ITIH2: variants seen among roughly 807,000 people sequenced by gnomAD.
The protein encoded by ITIH2 is inter-alpha-trypsin inhibitor heavy chain 2, also known as inter-alpha-trypsin inhibitor heavy chain H2.
In ITIH2, 103 loss-of-function variants were observed where a neutral mutation model predicts 104.4. That is an observed-to-expected ratio of 0.99 (90% CI 0.84 to 1.16). ITIH2 has a LOEUF of 1.16. ITIH2 is among the 50% of genes most tolerant of loss of function. The pLI is 0.00. For synonymous variants in ITIH2, 436 were observed against 435.4 expected, an observed-to-expected ratio of 1.00 and a Z score of -0.02; for missense variants, 1,108 against 1,162.4, an observed-to-expected ratio of 0.95 and a Z score of 0.68.
chr10:7,723,310 G>A (rs1337750753), intron 8 of ITIH2, 141 bp from the exon 9 acceptor site: 5 of 691,190 alleles, frequency 7.2e-6, no homozygotes, highest in Non-Finnish European at 1.3e-5. Flanking sequence ...GAGCAGGCAG[G>A]AAAATGTGGA....
intron 9 of ITIH2, among the ~76,000 whole-genome samples, chr10:7,724,892 T>C (rs1356699675): frequency 6.6e-6 from 1 of 152,160 alleles, no homozygotes; most frequent in Non-Finnish European, 1.5e-5. Flanking sequence ...TTGAGAAACA[T>C]TGCTCTAATA....
At chr10:7,737,127 G>A (rs1835062398) in intron 15 of ITIH2, among the ~76,000 whole-genome samples, 1 of 151,592 alleles carries the variant, frequency 6.6e-6, no homozygotes, top group Non-Finnish European at 1.5e-5. Flanking sequence ...AGGACTCTGG[G>A]GGAGGGGAGT....
At chr10:7,745,229 T>C (rs1384368336) in intron 19 of ITIH2, among the ~76,000 whole-genome samples, 3 of 152,212 alleles carry the variant, frequency 2.0e-5, no homozygotes, top group South Asian at 2.1e-4. Context: ...ATGTTAAAGA[T>C]TTTTTTCTAA....
At position 7,735,055 on chromosome 10, in the gene ITIH2, G is replaced by A. The variant is rs1241308476; in HGVS notation, c.1921G>A (p.Ala641Thr). The A allele has an allele frequency of 6.2e-7, 1 of 1,612,218 alleles. No individual in the cohort carries two copies. Among genetic ancestry groups the A allele is most frequent in the African/African-American group, 1.3e-5 (1 of 75,070 alleles). ...ENEAGDERML[A>T]DAPPQDPSCC... ...CGAGGCTGGGGATGAGCGCATGCTG[G>A]CGGATGCCCCACCGCAGGATCCCTC... The change falls in exon 15 of 21, where the codon GCG becomes ACG. Residue 641 changes from alanine (A) to threonine (T), a missense_variant. Physicochemically the swap from Ala to Thr is moderately conservative, Grantham distance 58. Coordinates refer to ENST00000358415, the MANE Select transcript of ITIH2 (RefSeq NM_002216.3).
At position 7,746,715 on chromosome 10, in the gene ITIH2, G is replaced by C; in HGVS notation, c.2693+11G>C. 1 of 1,566,594 alleles carries C rather than the reference G, an allele frequency of 6.4e-7. No individual in the cohort carries two copies. The highest frequency in any genetic ancestry group is 1.1e-5 in the South Asian group (1 of 89,722). The stretch of plus-strand genomic sequence containing the variant: ...GCTGATCATCACCAGGTAGGCCTCG[G>C]GCGTAAGGACAGTGACGAAAAGGCC... On this transcript the variant is annotated intron_variant, in intron 20 of 20. Coordinates refer to ENST00000358415, the MANE Select transcript of ITIH2 (RefSeq NM_002216.3).
chr10:7,706,028 G>A (rs1834743703), intron 2 of ITIH2, among the ~76,000 whole-genome samples: 1 of 152,178 alleles, frequency 6.6e-6, no homozygotes, highest in South Asian at 2.1e-4. Context: ...CATGCTGAGA[G>A]AGGAGGTATT....
At chr10:7,748,518 A>ATTTTTT (rs1564309292) in intron 20 of ITIH2, among the ~76,000 whole-genome samples, 5 of 29,008 alleles carry the variant, frequency 1.7e-4, no homozygotes, top group African/African-American at 2.5e-4. Context: ...CCGCCAATGC[A>ATTTTTT]TTCTTTTTTT....
rs374923183 is a variant in ITIH2, at chr10:7,724,570, C to CAAAAAAAAAAAAAAAAAAAA, written c.984+1020_984+1021insAAAAAAAAAAAAAAAAAAAA. Among the ~76,000 whole-genome samples, 35 of 51,846 alleles carry CAAAAAAAAAAAAAAAAAAAA rather than the reference C, an allele frequency of 6.8e-4. 6 individuals carry two copies. The highest frequency in any genetic ancestry group is 1.2e-3 in the African/African-American group (15 of 12,468). 34.0% of individuals were successfully genotyped at this position (51,846 alleles called of 152,430 possible). A position where few individuals can be genotyped will look rare whatever the true frequency, so the allele number is the denominator to read the frequency against. On this transcript the variant is annotated intron_variant, in intron 9 of 20. Coordinates refer to ENST00000358415, the MANE Select transcript of ITIH2 (RefSeq NM_002216.3). ...GGGCAACAAGAGCGAAACTCCATCT[C>CAAAAAAAAAAAAAAAAAAAA]AAAAAAAAAAAAAAAAAGAAGAGGA...
At chr10:7,709,296 C>A in intron 4 of ITIH2, 105 bp downstream of exon 4, 2 of 993,334 alleles carry the variant, frequency 2.0e-6, no homozygotes, top group Non-Finnish European at 1.6e-6. Context: ...CCCAGAGGAC[C>A]GGCTGGATGT....
At chr10:7,709,362 C>T (rs1588449643) in intron 4 of ITIH2, among the ~76,000 whole-genome samples, 171 bp downstream of exon 4, 1 of 152,142 alleles carries the variant, frequency 6.6e-6, no homozygotes, top group South Asian at 2.1e-4. Context: ...AGCGTTAGAA[C>T]TTGTGAATTA....
chr10:7,714,930 T>G (rs1834833857), intron 5 of ITIH2, among the ~76,000 whole-genome samples: 1 of 152,196 alleles, frequency 6.6e-6, no homozygotes, highest in Admixed American at 6.5e-5. Flanking sequence ...GAGGGTCCAC[T>G]GCACCATACT....
Position 7,737,406 on chromosome 10 carries a change from C to CATATATATATAT in ITIH2, c.1958-1205_1958-1194dup, listed in dbSNP as rs375717121. Among the ~76,000 whole-genome samples the CATATATATATAT allele has an allele frequency of 1.5e-3, 187 of 121,684 alleles. 1 individual carries two copies. Among genetic ancestry groups the CATATATATATAT allele is most frequent in the African/African-American group, 5.5e-3 (172 of 31,194 alleles). 79.8% of individuals were successfully genotyped at this position (121,684 alleles called of 152,430 possible). A position where few individuals can be genotyped will look rare whatever the true frequency, so the allele number is the denominator to read the frequency against. ...TATATACACACACGTGTATATATCTCATATATATATATATATATATACACG... is the reference window on the plus strand; with the variant it reads ...TATATACACACACGTGTATATATCTCATATATATATATATATATATATATATATATATACACG... On this transcript the variant is annotated intron_variant, in intron 15 of 20. Coordinates refer to ENST00000358415, the MANE Select transcript of ITIH2 (RefSeq NM_002216.3).
Position 7,720,864 on chromosome 10 carries a change from G to T in ITIH2, c.639G>T (p.Val213=). The T allele has an allele frequency of 1.9e-6, 3 of 1,603,410 alleles. No homozygotes were observed. The highest frequency in any genetic ancestry group is 2.6e-6 in the Non-Finnish European group (3 of 1,170,284). ...GRLAKHLEVD[V]WVIEPQGLRF... ...TTCTCTTGCATCTCTAGGTAGATGT[G>T]TGGGTTATCGAACCACAGGGACTGA... The change falls in exon 7 of 21, where the codon GTG becomes GTT. Residue 213 remains valine, a synonymous_variant. Transcript: ENST00000358415.
At chr10:7,732,126 G>A in intron 13 of ITIH2, 130 bp downstream of exon 13, 1 of 879,058 alleles carries the variant, frequency 1.1e-6, no homozygotes, top group East Asian at 2.5e-5. Flanking sequence ...GAAGGCATGA[G>A]AATATCTCTG....
At chr10:7,712,917 G>A (rs1474977417) in intron 4 of ITIH2, among the ~76,000 whole-genome samples, 1 of 152,108 alleles carries the variant, frequency 6.6e-6, no homozygotes, top group East Asian at 1.9e-4. Flanking sequence ...TCAGGAGATC[G>A]AGACCATCCT....
chr10:7,707,657 C>G (rs755999529), intron 3 of ITIH2, among the ~76,000 whole-genome samples: 3 of 152,178 alleles, frequency 2.0e-5, no homozygotes, highest in Non-Finnish European at 4.4e-5. Flanking sequence ...CCTCTGCCCC[C>G]TGGGTTCAAG....
At chr10:7,744,583 C>A (rs1835157736) in intron 18 of ITIH2, among the ~76,000 whole-genome samples, 1 of 152,164 alleles carries the variant, frequency 6.6e-6, no homozygotes. Context: ...GCAGAGTGAG[C>A]TCCAAACGCC....
chr10:7,727,438 C>A (rs1014825647), intron 10 of ITIH2, among the ~76,000 whole-genome samples: 7 of 152,154 alleles, frequency 4.6e-5, no homozygotes, highest in African/African-American at 1.7e-4. Context: ...ATACTTTAAT[C>A]TGGTGTTTAA....
Position 7,738,479 on chromosome 10 carries a change from G to C in ITIH2, c.1958-142G>C, listed in dbSNP as rs1180418537. On this transcript the variant is annotated intron_variant, in intron 15 of 20. Coordinates refer to ENST00000358415, the MANE Select transcript of ITIH2 (RefSeq NM_002216.3). ...CTCAGCAACATGACAGAGGGAGCCC[G>C]AGAGAACTCTGGAATAAAAACAGAG... 16 of 877,262 alleles carry C rather than the reference G, an allele frequency of 1.8e-5. 1 individual carries two copies. The East Asian group carries it at 2.7e-4, about 15-fold the overall frequency. The allele number at this position is 877,262 out of a possible 1,614,324, so 54.3% of individuals were successfully genotyped here.
Sources: gnomAD v4.1 joint callset for allele counts (sites outside exome capture counted in the v4.1 genomes callset) on GRCh38, gnomAD v4.1.1 for gene constraint, MANE v1.5 for transcripts, NCBI Gene and HGNC (gene_info 2026-07-23, HGNC 2026-07-21) for gene names.